ACOX2: variants seen among roughly 807,000 people sequenced by gnomAD.
ACOX2 encodes the protein acyl-CoA oxidase 2.
In ACOX2, 59 loss-of-function variants were observed where a neutral mutation model predicts 77.5. The observed-to-expected ratio is 0.76, with a 90% confidence interval of 0.62 to 0.95. ACOX2 has a LOEUF of 0.95. Among genes scored for constraint, ACOX2 ranks in the 40% least tolerant of loss-of-function variants. The pLI, the probability that ACOX2 is intolerant of heterozygous loss-of-function variation, is 0.00. For missense variants in ACOX2, 837 were observed against 880.4 expected, an observed-to-expected ratio of 0.95 and a Z score of 0.62; for synonymous variants, 317 against 340.1, an observed-to-expected ratio of 0.93 and a Z score of 0.75.
intron 12 of ACOX2, among the ~76,000 whole-genome samples, chr3:58,518,361 C>T (rs186260891): frequency 6.6e-6 from 1 of 152,348 alleles, no homozygotes; most frequent in East Asian, 1.9e-4. Flanking sequence ...AGAGCCCCTT[C>T]TGCCAGATGG....
At chr3:58,516,773 G>A (rs907448843) in intron 13 of ACOX2, among the ~76,000 whole-genome samples, 2 of 152,032 alleles carry the variant, frequency 1.3e-5, no homozygotes, top group African/African-American at 4.8e-5. Flanking sequence ...AGAGGCAGAG[G>A]TTGCAATGAG....
In ACOX2 at chr3:58,533,405, C is replaced by A; in HGVS notation, c.583+40G>T. ...TACTCTGCCCTCCAACATTCTTCTA[C>A]TTGGGGAGAGTTAAGGAAGGGGGGT... On this transcript the variant is annotated intron_variant, in intron 5 of 14. Transcript: ENST00000302819. This position sits in a 1 kb window ranked among gnomAD's most constrained non-coding sequence, Gnocchi z 5.6. 1 of 1,565,442 alleles carries A rather than the reference C, an allele frequency of 6.4e-7. No individual in the cohort carries two copies. The highest frequency in any genetic ancestry group is 8.8e-7 in the Non-Finnish European group (1 of 1,137,158).
Position 58,534,636 on chromosome 3 carries a change from AT to A in ACOX2, c.161-115del, listed in dbSNP as rs1307552217. ...GGAAAGGAAGTCAGACATTATTGTT[AT>A]TTTACAGATGACAAAACTGAGGACC... On this transcript the variant is annotated intron_variant, in intron 2 of 14. Transcript: ENST00000302819. This position sits in a 1 kb window ranked among gnomAD's most constrained non-coding sequence, Gnocchi z 4.8. The A allele has an allele frequency of 2.5e-6, 4 of 1,578,478 alleles. No homozygotes were observed. In the Admixed American group the frequency reaches 7.3e-5, roughly 29 times the overall value.
In ACOX2 at chr3:58,524,274, A is replaced by G; in HGVS notation, c.1526+152T>C. 2 of 978,666 alleles carry G rather than the reference A, an allele frequency of 2.0e-6. No homozygotes were observed. The highest frequency in any genetic ancestry group is 1.8e-5 in the South Asian group (1 of 56,116). The allele number at this position is 978,666 out of a possible 1,614,324, so 60.6% of individuals were successfully genotyped here. On this transcript the variant is annotated intron_variant, in intron 11 of 14. Transcript: ENST00000302819. The surrounding 1 kb of genome is among the most constrained non-coding windows in gnomAD (Gnocchi z 5.5). ...GGGGGGACATCCCCTCTCTCTGCCC[A>G]TGGTGGCAGGAACTGAGAGGACCGG...
Position 58,522,457 on chromosome 3 carries a change from A to G in ACOX2, c.1632+39T>C. 2.5e-6 allele frequency: 4 copies of G among 1,597,384 alleles called. No individual in the cohort carries two copies. Among genetic ancestry groups the G allele is most frequent in the Non-Finnish European group, 3.4e-6 (4 of 1,165,410 alleles). On this transcript the variant is annotated intron_variant, in intron 12 of 14. Coordinates refer to ENST00000302819, the MANE Select transcript of ACOX2 (RefSeq NM_003500.4). The surrounding 1 kb of genome is among the most constrained non-coding windows in gnomAD (Gnocchi z 4.3). The stretch of plus-strand genomic sequence containing the variant: ...CAGCAGGGTAGCCTGCCTGGGAAGC[A>G]AAATGGATCCCTTTCAGCTTCAGCT...
rs2063391874 is a variant in ACOX2 at position 58,526,089 on chromosome 3, C to A, written c.1346+377G>T. ...GCAGGATGGACGGGGAGGCAGGGGT[C>A]AGGTCACATGGACCTTGCAGGCCAC... On this transcript the variant is annotated intron_variant, in intron 10 of 14. Coordinates refer to ENST00000302819, the MANE Select transcript of ACOX2 (RefSeq NM_003500.4). This position sits in a 1 kb window ranked among gnomAD's most constrained non-coding sequence, Gnocchi z 4.3. Among the ~76,000 whole-genome samples the A allele has an allele frequency of 6.6e-6, 1 of 151,650 alleles. No homozygotes were observed.
rs2063314540 is a variant in ACOX2, at chr3:58,515,305, G to C, written c.1850+1901C>G. ...CAAAGTGCTGGGATTGCAGGTATTAGCCACCGCGCCTGGCCTGAACAAACA... is the reference window on the plus strand; with the variant it reads ...CAAAGTGCTGGGATTGCAGGTATTACCCACCGCGCCTGGCCTGAACAAACA... On this transcript the variant is annotated intron_variant, in intron 13 of 14. Coordinates refer to ENST00000302819, the MANE Select transcript of ACOX2 (RefSeq NM_003500.4). The surrounding 1 kb of genome is among the most constrained non-coding windows in gnomAD (Gnocchi z 4.0). Among the ~76,000 whole-genome samples the C allele has an allele frequency of 6.6e-6, 1 of 152,118 alleles. No individual in the cohort carries two copies. Among genetic ancestry groups the C allele is most frequent in the African/African-American group, 2.4e-5 (1 of 41,408 alleles).
At position 58,535,035 on chromosome 3, in the gene ACOX2, G is replaced by A. The variant is rs377525767; in HGVS notation, c.72C>T (p.Ser24=). The A allele has an allele frequency of 2.3e-5, 37 of 1,614,048 alleles. No homozygotes were observed. The highest frequency in any genetic ancestry group is 1.6e-4 in the Middle Eastern group (1 of 6,084). ...WSRQMHPDIE[S]ERYMQSFDVE... ...CGTCAAAGGACTGCATATACCTCTC[G>A]CTCTCTATGTCGGGGTGCATTTGCC... is the stretch of plus-strand genomic sequence containing the variant. The change falls in exon 2 of 15, where the codon AGC becomes AGT. Residue 24 remains serine, a synonymous_variant. Coordinates refer to ENST00000302819, the MANE Select transcript of ACOX2 (RefSeq NM_003500.4). This position sits in a 1 kb window ranked among gnomAD's most constrained non-coding sequence, Gnocchi z 4.8.
Position 58,524,579 on chromosome 3 carries a change from GTCTGCAGGTAGC to G in ACOX2, c.1361_1372del (p.Ser454_Gln457del). ...TGGCGTGGAGCCAGGGGACATCTGA[GTCTGCAGGTAGC>G]TCTTCACCAGGAACCTGGGGGTTGG... On this transcript the variant is annotated inframe_deletion, in exon 11 of 15. Coordinates refer to ENST00000302819, the MANE Select transcript of ACOX2 (RefSeq NM_003500.4). The surrounding 1 kb of genome is among the most constrained non-coding windows in gnomAD (Gnocchi z 5.5). The G allele has an allele frequency of 6.2e-7, 1 of 1,614,122 alleles. No homozygotes were observed. The highest frequency in any genetic ancestry group is 1.1e-5 in the South Asian group (1 of 91,090).
chr3:58,527,966 C>G (rs2063409893), intron 9 of ACOX2, among the ~76,000 whole-genome samples: 1 of 151,986 alleles, frequency 6.6e-6, no homozygotes, highest in Admixed American at 6.6e-5. Context: ...CCTGGCCTCC[C>G]AAAGTGCTGA....
Position 58,515,755 on chromosome 3 carries a change from T to C in ACOX2, c.1850+1451A>G, listed in dbSNP as rs2107992730. Among the ~76,000 whole-genome samples, 1 of 152,268 alleles carries C rather than the reference T, an allele frequency of 6.6e-6. No individual in the cohort carries two copies. Among genetic ancestry groups the C allele is most frequent in the South Asian group, 2.1e-4 (1 of 4,818 alleles). On this transcript the variant is annotated intron_variant, in intron 13 of 14. Transcript: ENST00000302819. This position sits in a 1 kb window ranked among gnomAD's most constrained non-coding sequence, Gnocchi z 4.0. ...CCATTTTTTTTAATCTTATGGACAA[T>C]GGTAAATAATTTGCAATGTTTTCTT... is the stretch of plus-strand genomic sequence containing the variant.
At position 58,506,215 on chromosome 3, in the gene ACOX2, A is replaced by C. The variant is rs771554961; in HGVS notation, c.1984-929T>G. On this transcript the variant is annotated intron_variant, in intron 14 of 14. Transcript: ENST00000302819. ...ATGAATCAGTAGATGTATTTAATGC[A>C]TCTAACTCCTACTTGGACACATTTT... Among the ~76,000 whole-genome samples the C allele has an allele frequency of 2.2e-4, 34 of 152,372 alleles. 2 individuals carry two copies. In the South Asian group the frequency reaches 2.5e-3, roughly 11 times the overall value.
chr3:58,516,669 C>A (rs1421022703), intron 13 of ACOX2, among the ~76,000 whole-genome samples: 1 of 152,068 alleles, frequency 6.6e-6, no homozygotes, highest in African/African-American at 2.4e-5. Context: ...GAAACCCCAT[C>A]TCTACTAAAA....
chr3:58,531,289 G>T lies in ACOX2; in HGVS notation c.781C>A (p.Arg261=), dbSNP rs200178010. The T allele has an allele frequency of 3.1e-6, 5 of 1,613,316 alleles. No homozygotes were observed. Among genetic ancestry groups the T allele is most frequent in the African/African-American group, 2.7e-5 (2 of 74,888 alleles). ...CTCAGCATGTTCTCCCTGGGGACCCGCACATGGTTCAGCTGCAGGAAGCCA... is the reference window on the plus strand; with the variant it reads ...CTCAGCATGTTCTCCCTGGGGACCCTCACATGGTTCAGCTGCAGGAAGCCA... ...DNGFLQLNHV[R]VPRENMLSRF... The change falls in exon 7 of 15, where the codon CGG becomes AGG. Residue 261 remains arginine, a synonymous_variant. Transcript: ENST00000302819. The surrounding 1 kb of genome is among the most constrained non-coding windows in gnomAD (Gnocchi z 5.8).
At position 58,535,373 on chromosome 3, in the gene ACOX2, G is replaced by A; in HGVS notation, c.-91-176C>T. On this transcript the variant is annotated intron_variant, in intron 1 of 14. Coordinates refer to ENST00000302819, the MANE Select transcript of ACOX2 (RefSeq NM_003500.4). The surrounding 1 kb of genome is among the most constrained non-coding windows in gnomAD (Gnocchi z 4.8). ...GGTATGCAGCCATTGCTTGGTACATGTTTGTTCAATACTTGTTAGCCAAAA... is the reference window on the plus strand; with the variant it reads ...GGTATGCAGCCATTGCTTGGTACATATTTGTTCAATACTTGTTAGCCAAAA... 1 of 511,802 alleles carries A rather than the reference G, an allele frequency of 2.0e-6. No individual in the cohort carries two copies. The highest frequency in any genetic ancestry group is 3.5e-6 in the Non-Finnish European group (1 of 285,168). The allele number at this position is 511,802 out of a possible 1,614,324, so 31.7% of individuals were successfully genotyped here. A position where few individuals can be genotyped will look rare whatever the true frequency, so the allele number is the denominator to read the frequency against.
Position 58,519,051 on chromosome 3 carries a change from C to T in ACOX2, c.1633-1628G>A, listed in dbSNP as rs1331982957. 6.6e-6 allele frequency among the ~76,000 whole-genome samples: 1 copy of T among 152,128 alleles called. No homozygotes were observed. Among genetic ancestry groups the T allele is most frequent in the Non-Finnish European group, 1.5e-5 (1 of 68,036 alleles). ...TTCTAACAAGGTCCCCTGTGATGCC[C>T]ATGCTGCTGTAGTGATTTTCAGTAG... On this transcript the variant is annotated intron_variant, in intron 12 of 14. Transcript: ENST00000302819. The surrounding 1 kb of genome is among the most constrained non-coding windows in gnomAD (Gnocchi z 5.0).
rs769731964 is a variant in ACOX2, at chr3:58,505,214, G to T, written c.*10C>A. On this transcript the variant is annotated 3_prime_UTR_variant, in exon 15 of 15. Transcript: ENST00000302819. The surrounding 1 kb of genome is among the most constrained non-coding windows in gnomAD (Gnocchi z 4.4). Reference sequence around the variant, plus strand: ...TGGTGCTGGTTGCTTCTTGAATACTGTTGGTTATTTCATAGCTTGGATCTC... The same window carrying T: ...TGGTGCTGGTTGCTTCTTGAATACTTTTGGTTATTTCATAGCTTGGATCTC... 6.2e-7 allele frequency: 1 copy of T among 1,610,840 alleles called. No homozygotes were observed. Among genetic ancestry groups the T allele is most frequent in the South Asian group, 1.1e-5 (1 of 90,544 alleles).
intron 13 of ACOX2, among the ~76,000 whole-genome samples, chr3:58,510,198 T>TTAAAGCATTGGTGGTA (rs2063268087): frequency 6.6e-6 from 1 of 152,120 alleles, no homozygotes; most frequent in Non-Finnish European, 1.5e-5. Context: ...GTAACTGGGA[T>TTAAAGCATTGGTGGTA]ACTGTATCCA....
At chr3:58,517,072 T>C (rs1211364931) in intron 13 of ACOX2, 134 bp downstream of exon 13, 2 of 819,508 alleles carry the variant, frequency 2.4e-6, no homozygotes, top group Non-Finnish European at 3.8e-6. Flanking sequence ...GGTGTAATGA[T>C]AATAGGGTGT....
Sources: allele counts gnomAD v4.1 joint callset (sites outside exome capture counted in the v4.1 genomes callset), GRCh38; gene constraint gnomAD v4.1.1; non-coding constraint Gnocchi (gnomAD v3.1); transcripts MANE v1.5; gene names NCBI Gene and HGNC (gene_info 2026-07-23, HGNC 2026-07-21).